FSIP1: variants seen among roughly 807,000 people sequenced by gnomAD.
The protein encoded by FSIP1 is fibrous sheath interacting protein 1, also known as fibrous sheath-interacting protein 1.
A neutral mutation model predicts 60.9 loss-of-function variants in FSIP1; 65 were observed. The ratio of observed to expected loss-of-function variants is 1.07; its 90% CI spans 0.87 to 1.31. The LOEUF is 1.31. FSIP1 is among the 40% of genes most tolerant of loss of function. The pLI is 0.00. For missense variants in FSIP1, 675 were observed against 665.5 expected (o/e 1.01, Z -0.16); for synonymous variants, 209 against 221.2 (o/e 0.94, Z 0.49).
chr15:39,701,364 G>A (rs954005543), intron 10 of FSIP1, among the ~76,000 whole-genome samples: 1 of 152,186 alleles, frequency 6.6e-6, no homozygotes, highest in Non-Finnish European at 1.5e-5. Flanking sequence ...TCTTGCACAT[G>A]TAGGTTGTGT....
chr15:39,779,606 A>G (rs939212907), intron 1 of FSIP1, among the ~76,000 whole-genome samples: 41 of 152,340 alleles, frequency 2.7e-4, no homozygotes, highest in Admixed American at 1.1e-3. Context: ...TCACCAGTAC[A>G]TAATGAGCAT....
chr15:39,625,268 G>C (rs912826830), intron 10 of FSIP1, among the ~76,000 whole-genome samples: 1 of 152,182 alleles, frequency 6.6e-6, no homozygotes, highest in Non-Finnish European at 1.5e-5. Context: ...CTGTTTCTAT[G>C]TACCAGAATG....
At chr15:39,766,060 C>G (rs1047310358) in intron 3 of FSIP1, among the ~76,000 whole-genome samples, 2 of 152,174 alleles carry the variant, frequency 1.3e-5, no homozygotes, top group African/African-American at 4.8e-5. Flanking sequence ...ATTCTTTCTC[C>G]TTCATTCTGT....
chr15:39,739,764 A>T lies in FSIP1; in HGVS notation c.681T>A (p.Asn227Lys). The change falls in exon 7 of 12, where the codon AAT (asparagine) becomes AAA (lysine). Residue 227 changes from asparagine (N) to lysine (K), a missense_variant. Physicochemically the swap from Asn to Lys is moderately conservative, Grantham distance 94 (BLOSUM62 0). Coordinates refer to ENST00000350221, the MANE Select transcript of FSIP1 (RefSeq NM_152597.5). ...NKDFTCDVER[N>K]ESLIKSGKKP... is the part of the protein sequence containing the mutation. ...TCTTTCCTGATTTGATCAATGACTC[A>T]TTTCTTTCCACATCACAGGTAAAAT... 6.3e-7 allele frequency: 1 copy of T among 1,577,220 alleles called. No individual in the cohort carries two copies. The highest frequency in any genetic ancestry group is 8.6e-7 in the Non-Finnish European group (1 of 1,167,688).
intron 10 of FSIP1, among the ~76,000 whole-genome samples, chr15:39,652,348 T>C (rs1245233301): frequency 6.6e-6 from 1 of 152,254 alleles, no homozygotes; most frequent in African/African-American, 2.4e-5. Flanking sequence ...CAAGAAGTGA[T>C]GTTTTGATTA....
chr15:39,656,443 C>G (rs1005190540), intron 10 of FSIP1, among the ~76,000 whole-genome samples: 2 of 152,214 alleles, frequency 1.3e-5, no homozygotes, highest in African/African-American at 4.8e-5. Flanking sequence ...TTCGACACCT[C>G]TAGGTCTTCC....
intron 3 of FSIP1, among the ~76,000 whole-genome samples, chr15:39,769,278 CAA>C (rs536401282): frequency 1.6e-4 from 14 of 85,790 alleles, no homozygotes; most frequent in Admixed American, 1.1e-4. Flanking sequence ...GACTCCGTCT[CAA>C]AAAAAAAAAA....
chr15:39,601,560 G>A (rs1890640766), intron 11 of FSIP1, among the ~76,000 whole-genome samples: 1 of 152,194 alleles, frequency 6.6e-6, no homozygotes, highest in African/African-American at 2.4e-5. Flanking sequence ...ATAAGCCCAA[G>A]AGAAATGAAA....
At chr15:39,677,468 T>A (rs1389306120) in intron 10 of FSIP1, among the ~76,000 whole-genome samples, 1 of 150,486 alleles carries the variant, frequency 6.6e-6, no homozygotes, top group African/African-American at 2.5e-5. Flanking sequence ...TTAGAAAATA[T>A]TTTTTGACTG....
intron 10 of FSIP1, among the ~76,000 whole-genome samples, chr15:39,686,343 A>T (rs1387109668): frequency 6.6e-6 from 1 of 152,270 alleles, no homozygotes; most frequent in Non-Finnish European, 1.5e-5. Flanking sequence ...AAATAAATTT[A>T]AAAAATGAGA....
chr15:39,621,784 A>G (rs1266193339), intron 10 of FSIP1, among the ~76,000 whole-genome samples: 2 of 152,168 alleles, frequency 1.3e-5, no homozygotes, highest in South Asian at 2.1e-4. Context: ...TATAAGTAAG[A>G]GCAAATGAAA....
chr15:39,745,255 A>T (rs1051550812), intron 5 of FSIP1, among the ~76,000 whole-genome samples: 1 of 152,192 alleles, frequency 6.6e-6, no homozygotes, highest in Admixed American at 6.5e-5. Context: ...CTACACGAGT[A>T]TAGTAAATCC....
chr15:39,598,798 C>T (rs1456837445), downstream of FSIP1: 1 of 151,762 alleles, frequency 6.6e-6, no homozygotes, highest in African/African-American at 2.4e-5. Context: ...TAAGAATGTA[C>T]ATACAATAAA....
chr15:39,689,988 G>A (rs1161018292), intron 10 of FSIP1, among the ~76,000 whole-genome samples: 1 of 152,208 alleles, frequency 6.6e-6, no homozygotes, highest in Non-Finnish European at 1.5e-5. Flanking sequence ...TTGGGATTCA[G>A]ATGATATGGA....
chr15:39,731,298 T>TA (rs940661683), intron 8 of FSIP1, among the ~76,000 whole-genome samples: 23 of 150,916 alleles, frequency 1.5e-4, no homozygotes, highest in Non-Finnish European at 2.5e-4. Flanking sequence ...ATGGACAGCT[T>TA]AAAAAAAAAG....
chr15:39,744,095 G>A (rs1264348180), intron 5 of FSIP1, among the ~76,000 whole-genome samples: 1 of 152,168 alleles, frequency 6.6e-6, no homozygotes, highest in African/African-American at 2.4e-5. Flanking sequence ...ATGTATGTGT[G>A]TATATGTGTG....
At chr15:39,687,298 G>A (rs537924511) in intron 10 of FSIP1, among the ~76,000 whole-genome samples, 1 of 151,728 alleles carries the variant, frequency 6.6e-6, no homozygotes, top group East Asian at 1.9e-4. Context: ...AAGATTACAG[G>A]CATGTGCCAC....
chr15:39,733,765 GAAAATGGAC>G (rs1362398769), intron 8 of FSIP1, among the ~76,000 whole-genome samples: 4 of 152,038 alleles, frequency 2.6e-5, no homozygotes, highest in African/African-American at 9.7e-5. Context: ...TGTCTGCTTG[GAAAATGGAC>G]ACACTGCCTA....
chr15:39,658,078 C>T (rs963082261), intron 10 of FSIP1, among the ~76,000 whole-genome samples: 1 of 152,042 alleles, frequency 6.6e-6, no homozygotes, highest in African/African-American at 2.4e-5. Flanking sequence ...GACTATCTTT[C>T]CACAACTTTT....
Sources: gnomAD v4.1 joint callset for allele counts (sites outside exome capture counted in the v4.1 genomes callset) on GRCh38, gnomAD v4.1.1 for gene constraint, MANE v1.5 for transcripts, NCBI Gene and HGNC (gene_info 2026-07-23, HGNC 2026-07-21) for gene names.